ALDH4A1: variants seen among roughly 807,000 people sequenced by gnomAD.
ALDH4A1 encodes delta-1-pyrroline-5-carboxylate dehydrogenase, mitochondrial.
A neutral mutation model predicts 70.5 loss-of-function variants in ALDH4A1; 46 were observed. The ratio of observed to expected loss-of-function variants is 0.65; its 90% confidence interval spans 0.51 to 0.83. ALDH4A1 has a LOEUF of 0.83. ALDH4A1 is among the 40% of genes least tolerant of loss of function. ALDH4A1 has a pLI of 0.00. For missense variants in ALDH4A1, 749 were observed against 766.5 expected (o/e 0.98, Z 0.27); for synonymous variants, 323 against 324.3 (o/e 1.00, Z 0.04).
At chr1:18,884,543 G>A (rs902642322) in intron 5 of ALDH4A1, among the ~76,000 whole-genome samples, 1 of 152,212 alleles carries the variant, frequency 6.6e-6, no homozygotes, top group Non-Finnish European at 1.5e-5. Context: ...TTAGCAGGGT[G>A]AGGAGCTGTC....
At chr1:18,885,431 A>ACCCCCCC in intron 5 of ALDH4A1, 42 bp downstream of exon 5, 4 of 478,976 alleles carry the variant, frequency 8.4e-6, no homozygotes, top group East Asian at 4.3e-5. Flanking sequence ...CCTGACTCCC[A>ACCCCCCC]CCCCACCCCG....
At chr1:18,894,100 TA>T (rs1935533552) in intron 1 of ALDH4A1, among the ~76,000 whole-genome samples, 2 of 152,164 alleles carry the variant, frequency 1.3e-5, no homozygotes, top group Non-Finnish European at 2.9e-5. Flanking sequence ...AAGAAAACTG[TA>T]AAGGTCTCAG....
chr1:18,899,019 C>T (rs1256781607), intron 1 of ALDH4A1, among the ~76,000 whole-genome samples: 1 of 152,250 alleles, frequency 6.6e-6, no homozygotes, highest in Non-Finnish European at 1.5e-5. Context: ...GCTGTTAATA[C>T]AATCATCCCC....
At chr1:18,897,473 G>A (rs1027706173) in intron 1 of ALDH4A1, among the ~76,000 whole-genome samples, 3 of 152,346 alleles carry the variant, frequency 2.0e-5, no homozygotes, top group African/African-American at 7.2e-5. Context: ...AGCCCAGGAG[G>A]TGAAGGTTGC....
At chr1:18,894,077 C>G (rs1935533222) in intron 1 of ALDH4A1, among the ~76,000 whole-genome samples, 1 of 152,200 alleles carries the variant, frequency 6.6e-6, no homozygotes, top group Non-Finnish European at 1.5e-5. Context: ...ACCCCTCCTG[C>G]TCTTGCTTTC....
At chr1:18,873,880 G>A (rs539620810) in intron 14 of ALDH4A1, among the ~76,000 whole-genome samples, 2 of 152,352 alleles carry the variant, frequency 1.3e-5, no homozygotes, top group South Asian at 4.1e-4. Flanking sequence ...AGTCAGACAA[G>A]GTGTGGGTAA....
At position 18,894,113 on chromosome 1, in the gene ALDH4A1, A is replaced by T. The variant is rs563531160; in HGVS notation, c.63-4008T>A. On this transcript the variant is annotated intron_variant, in intron 1 of 14. Transcript: ENST00000375341. ...CAAAGAAAACTGTAAAGGTCTCAGA[A>T]TGCTATTTCAGTAGATCAGGCTTTC... Among the ~76,000 whole-genome samples, 12 of 152,328 alleles carry T rather than the reference A, an allele frequency of 7.9e-5. No individual in the cohort carries two copies. The East Asian group carries it at 2.3e-3, about 29-fold the overall frequency.
At chr1:18,890,201 G>T (rs1935383826) in intron 1 of ALDH4A1, 96 bp from the exon 2 acceptor site, 1 of 1,039,914 alleles carries the variant, frequency 9.6e-7, no homozygotes, top group Non-Finnish European at 1.4e-6. Context: ...GTCCTAGGTG[G>T]GCACCCAGAG....
At chr1:18,892,561 G>GGA (rs930790329) in intron 1 of ALDH4A1, among the ~76,000 whole-genome samples, 6 of 151,736 alleles carry the variant, frequency 4.0e-5, no homozygotes, top group African/African-American at 1.5e-4. Flanking sequence ...AAGGAGGCGG[G>GGA]GGGGGGCTGA....
rs921414727 is a variant in ALDH4A1 at position 18,877,488 on chromosome 1, G to A, written c.1065C>T (p.Tyr355=). 7.5e-6 allele frequency: 12 copies of A among 1,603,120 alleles called. No homozygotes were observed. Among genetic ancestry groups the A allele is most frequent in the East Asian group, 2.2e-5 (1 of 44,530 alleles). The change falls in exon 10 of 15, where the codon TAC becomes TAT. Residue 355 remains tyrosine, a synonymous_variant. Coordinates refer to ENST00000375341, the MANE Select transcript of ALDH4A1 (RefSeq NM_003748.4). ...TCTGCGGCCACAGCGAGTGCGGCACGTAGAGACGCGAGCACGCGGAACACT... is the reference window on the plus strand; with the variant it reads ...TCTGCGGCCACAGCGAGTGCGGCACATAGAGACGCGAGCACGCGGAACACT... ...GQKCSACSRL[Y]VPHSLWPQIK...
In ALDH4A1 at chr1:18,883,156, C is replaced by A; in HGVS notation, c.646G>T (p.Gly216Cys). The stretch of plus-strand genomic sequence containing the variant: ...GCCGGTGCCCCCGCCAGGTTGCCGC[C>A]GATTGCAGTGAAGTTAAAGGGCGAG... ...AISPFNFTAIGGNLAGAPALM... is the reference protein window; with the variant it reads ...AISPFNFTAICGNLAGAPALM... Residue 216 changes from glycine to cysteine, a missense_variant, in exon 7 of 15, where the codon GGC becomes TGC. By Grantham distance (159) the Gly-to-Cys change is radical (BLOSUM62 -3). Coordinates refer to ENST00000375341, the MANE Select transcript of ALDH4A1 (RefSeq NM_003748.4). 1 of 1,613,190 alleles carries A rather than the reference C, an allele frequency of 6.2e-7. No homozygotes were observed. The highest frequency in any genetic ancestry group is 2.2e-5 in the East Asian group (1 of 44,868).
At position 18,881,849 on chromosome 1, in the gene ALDH4A1, C is replaced by A; in HGVS notation, c.717G>T (p.Met239Ile). The change falls in exon 8 of 15, where the codon ATG becomes ATT. Residue 239 changes from methionine (M) to isoleucine (I), a missense_variant. Physicochemically the swap from Met to Ile is conservative, Grantham distance 10. Transcript: ENST00000375341. Reference sequence around the variant, plus strand: ...TGCGGTAGACAGCATAGCTGGCCAGCATGGCAGTGTCACTGGGCTTCCATA... The same window carrying A: ...TGCGGTAGACAGCATAGCTGGCCAGAATGGCAGTGTCACTGGGCTTCCATA... ...VVLWKPSDTA[M>I]LASYAVYRIL... is the part of the protein sequence containing the mutation. 6.2e-7 allele frequency: 1 copy of A among 1,613,822 alleles called. No individual in the cohort carries two copies. The highest frequency in any genetic ancestry group is 2.2e-5 in the East Asian group (1 of 44,890).
intron 5 of ALDH4A1, chr1:18,885,140 C>A: frequency 5.4e-6 from 2 of 369,568 alleles, no homozygotes; most frequent in East Asian, 6.2e-5. Context: ...ACTCTGAGGG[C>A]GGCGAGGGGC....
At chr1:18,886,363 C>T (rs898290728) in intron 4 of ALDH4A1, 101 bp downstream of exon 4, 25 of 1,380,664 alleles carry the variant, frequency 1.8e-5, no homozygotes, top group Middle Eastern at 4.1e-4. Flanking sequence ...AAGAAGGACA[C>T]AGCAACTGAT....
intron 3 of ALDH4A1, among the ~76,000 whole-genome samples, 184 bp from the exon 4 acceptor site, chr1:18,886,695 G>T (rs1935218150): frequency 6.6e-6 from 1 of 152,156 alleles, no homozygotes; most frequent in South Asian, 2.1e-4. Context: ...AAGGGTGCTG[G>T]TGTACCCGCT....
Position 18,877,463 on chromosome 1 carries a change from T to C in ALDH4A1, c.1090A>G (p.Ile364Val), listed in dbSNP as rs368174095. 6.3e-6 allele frequency: 10 copies of C among 1,595,308 alleles called. No individual in the cohort carries two copies. In the South Asian group the frequency reaches 7.9e-5, roughly 13 times the overall value. Residue 364 changes from isoleucine to valine, a missense_variant, in exon 10 of 15, where the codon ATC (isoleucine) becomes GTC (valine). Physicochemically the swap from Ile to Val is conservative, Grantham distance 29. Transcript: ENST00000375341. ...TGCTCCTCCAGCAGCCGCCCTTTGA[T>C]CTGCGGCCACAGCGAGTGCGGCACG... Reference protein sequence around the residue: ...LYVPHSLWPQIKGRLLEEHSR... With the variant: ...LYVPHSLWPQVKGRLLEEHSR...
chr1:18,893,647 T>C (rs1445300633), intron 1 of ALDH4A1, among the ~76,000 whole-genome samples: 1 of 151,982 alleles, frequency 6.6e-6, no homozygotes, highest in African/African-American at 2.4e-5. Flanking sequence ...GGATTACAGG[T>C]GCCCGCCACC....
chr1:18,881,662 C>G (rs1290523702), intron 8 of ALDH4A1, 38 bp downstream of exon 8: 2 of 1,183,388 alleles, frequency 1.7e-6, no homozygotes, highest in Non-Finnish European at 2.3e-6. Flanking sequence ...GTGAACGTCC[C>G]CTAGCCACCA....
At chr1:18,888,128 C>T in intron 3 of ALDH4A1, among the ~76,000 whole-genome samples, 1 of 152,226 alleles carries the variant, frequency 6.6e-6, no homozygotes, top group East Asian at 1.9e-4. Flanking sequence ...CGGCTCATGG[C>T]CGCTGGAACG....
Sources: allele counts gnomAD v4.1 joint callset (sites outside exome capture counted in the v4.1 genomes callset), GRCh38; gene constraint gnomAD v4.1.1; transcripts MANE v1.5; gene names NCBI Gene and HGNC (gene_info 2026-07-23, HGNC 2026-07-21).